The following PLEKHA4 variants were observed in gnomAD, a reference collection of about 807,000 sequenced individuals.
The protein encoded by PLEKHA4 is pleckstrin homology domain containing A4.
Under a neutral mutation model 94.7 loss-of-function variants are expected in PLEKHA4, and 73 were observed. The observed-to-expected ratio is 0.77, with a 90% confidence interval of 0.64 to 0.94. The LOEUF (loss-of-function observed/expected upper bound fraction) is 0.94, where lower values mean the gene tolerates loss of function less well. PLEKHA4 is among the 40% of genes least tolerant of loss of function. PLEKHA4 has a pLI of 0.00. For synonymous variants in PLEKHA4, 449 were observed against 437.1 expected (o/e 1.03, Z -0.34); for missense variants, 1,049 against 1,054.1 (o/e 1.00, Z 0.07).
At chr19:48,859,201 C>T (rs2036544129) in intron 7 of PLEKHA4, 62 bp from the exon 8 acceptor site, 8 of 1,272,586 alleles carry the variant, frequency 6.3e-6, no homozygotes, top group South Asian at 2.6e-5. Flanking sequence ...CACCTCCTTA[C>T]CCATCAAGTC....
At chr19:48,864,378 G>A (rs996380720) in intron 3 of PLEKHA4, among the ~76,000 whole-genome samples, 2 of 151,890 alleles carry the variant, frequency 1.3e-5, no homozygotes, top group African/African-American at 2.4e-5. Flanking sequence ...ATGTTGACCA[G>A]GCTGGTCTTG....
At chr19:48,863,214 A>G (rs1215312849) in intron 3 of PLEKHA4, among the ~76,000 whole-genome samples, 2 of 152,206 alleles carry the variant, frequency 1.3e-5, no homozygotes, top group African/African-American at 4.8e-5. Context: ...CTTGAAATTC[A>G]GTCTCAAATT....
chr19:48,850,646 C>T (rs1404916828), intron 13 of PLEKHA4, among the ~76,000 whole-genome samples: 3 of 151,384 alleles, frequency 2.0e-5, no homozygotes, highest in Non-Finnish European at 2.9e-5. Context: ...GGAGAAACCC[C>T]GTCTCTCATA....
intron 9 of PLEKHA4, among the ~76,000 whole-genome samples, chr19:48,856,949 G>GAGAAAGAA (rs111377309): frequency 4.3e-5 from 6 of 141,046 alleles, no homozygotes; most frequent in Non-Finnish European, 6.0e-5. Context: ...GAAAAAGAAA[G>GAGAAAGAA]AGAAAGAAAG....
At position 48,856,277 on chromosome 19, in the gene PLEKHA4, G is replaced by GGAAA. The variant is rs1055037381; in HGVS notation, c.1047+1141_1047+1144dup. ...GGGAGGGGAAGGGGAAGGGGAAGGG[G>GGAAA]GAAAGAAAGAAAGAAAGGAAGGAAG... On this transcript the variant is annotated intron_variant, in intron 9 of 19. Coordinates refer to ENST00000263265, the MANE Select transcript of PLEKHA4 (RefSeq NM_020904.3). Among the ~76,000 whole-genome samples the GGAAA allele has an allele frequency of 4.7e-5, 7 of 149,086 alleles. No homozygotes were observed. In the East Asian group the frequency reaches 8.3e-4, roughly 18 times the overall value.
intron 14 of PLEKHA4, among the ~76,000 whole-genome samples, chr19:48,846,264 G>C (rs1436976973): frequency 6.6e-6 from 1 of 150,894 alleles, no homozygotes; most frequent in Non-Finnish European, 1.5e-5. Context: ...TGGCTAAAAC[G>C]GTGAAACCCC....
intron 8 of PLEKHA4, among the ~76,000 whole-genome samples, chr19:48,858,184 T>G (rs17206707): frequency 0.12 from 17,699 of 152,144 alleles, 1,450 homozygotes; most frequent in Non-Finnish European, 0.17. Context: ...CTGTGGATAT[T>G]CTGAGCTACC....
At chr19:48,857,262 A>G (rs2036457837) in intron 9 of PLEKHA4, among the ~76,000 whole-genome samples, 160 bp downstream of exon 9, 1 of 152,116 alleles carries the variant, frequency 6.6e-6, no homozygotes, top group African/African-American at 2.4e-5. Flanking sequence ...GTTTTCGGCC[A>G]TGCGCTTTGT....
intron 16 of PLEKHA4, among the ~76,000 whole-genome samples, chr19:48,841,525 G>T (rs961336481): frequency 7.2e-5 from 11 of 152,214 alleles, no homozygotes; most frequent in African/African-American, 2.6e-4. Context: ...TACTCAGGAG[G>T]CTGAGGCAGG....
chr19:48,842,156 T>TC (rs2035795048), intron 16 of PLEKHA4, among the ~76,000 whole-genome samples: 1 of 149,848 alleles, frequency 6.7e-6, no homozygotes, highest in African/African-American at 2.5e-5. Context: ...TTTTTTTTTT[T>TC]TTTTTTGAGA....
In PLEKHA4 at chr19:48,838,059, C is replaced by A. The variant is rs759095583; in HGVS notation, c.2035G>T (p.Ala679Ser). 6.2e-7 allele frequency: 1 copy of A among 1,613,290 alleles called. No homozygotes were observed. The highest frequency in any genetic ancestry group is 1.7e-4 in the Middle Eastern group (1 of 6,056). Residue 679 changes from alanine to serine, a missense_variant, in exon 19 of 20, where the codon GCC becomes TCC. Coordinates refer to ENST00000263265, the MANE Select transcript of PLEKHA4 (RefSeq NM_020904.3). ...HRERVLSLSQ[A>S]LATEASQWHR... is the part of the protein sequence containing the mutation. ...CACTGCGACGCCTCAGTAGCCAGGG[C>A]TTGGGAGAGGCTGAGAACCCGCTCC...
chr19:48,855,854 C>A (rs1188912571), intron 9 of PLEKHA4, among the ~76,000 whole-genome samples: 2 of 151,130 alleles, frequency 1.3e-5, no homozygotes, highest in East Asian at 2.0e-4. Context: ...CATGGCAAAA[C>A]CCTGTCTCTA....
In PLEKHA4 at chr19:48,852,229, T is replaced by C. The variant is rs143400516; in HGVS notation, c.1424A>G (p.Gln475Arg). ...TGGGGTCTCCAAGCAGCGATTTACCTGGGGAGAACCAAGGTGCAGCAGGTA... is the reference window on the plus strand; with the variant it reads ...TGGGGTCTCCAAGCAGCGATTTACCCGGGGAGAACCAAGGTGCAGCAGGTA... ...LEYLLHLGSPQDRVSAQQQLW... is the reference protein window; with the variant it reads ...LEYLLHLGSPRDRVSAQQQLW... Residue 475 changes from glutamine (Q) to arginine (R), a missense_variant and splice_region_variant, in exon 13 of 20, where the codon CAG (glutamine) becomes CGG (arginine). Gln to Arg is a conservative substitution (Grantham distance 43). Transcript: ENST00000263265. 8 of 1,613,334 alleles carry C rather than the reference T, an allele frequency of 5.0e-6. No homozygotes were observed. Among genetic ancestry groups the C allele is most frequent in the Non-Finnish European group, 6.8e-6 (8 of 1,179,454 alleles).
intron 9 of PLEKHA4, among the ~76,000 whole-genome samples, chr19:48,854,698 T>C (rs1344010360): frequency 1.6e-5 from 1 of 63,664 alleles, no homozygotes; most frequent in African/African-American, 1.1e-4. Flanking sequence ...TGCCTGGCCT[T>C]TTTTTTTTTT....
chr19:48,849,605 G>A (rs1040735916), intron 13 of PLEKHA4, among the ~76,000 whole-genome samples: 8 of 152,112 alleles, frequency 5.3e-5, no homozygotes, highest in Admixed American at 3.9e-4. Context: ...CAACACGCCC[G>A]GCCGTGTCAA....
At chr19:48,866,836 T>C (rs1965140379) in intron 2 of PLEKHA4, among the ~76,000 whole-genome samples, 1 of 152,060 alleles carries the variant, frequency 6.6e-6, no homozygotes, top group African/African-American at 2.4e-5. Context: ...GATGCCCTGG[T>C]GCCCTGCGGT....
At position 48,854,091 on chromosome 19, in the gene PLEKHA4, G is replaced by C. The variant is rs1170703608; in HGVS notation, c.1096-4C>G. ...CGCACAACTTGGTCAGCAGCGTCTG[G>C]AGAAAGGAGAGCGGGAGCTACTGAT... On this transcript the variant is annotated splice_region_variant and splice_polypyrimidine_tract_variant and intron_variant, in intron 10 of 19. Transcript: ENST00000263265. 5 of 1,614,162 alleles carry C rather than the reference G, an allele frequency of 3.1e-6. No homozygotes were observed. The highest frequency in any genetic ancestry group is 4.2e-6 in the Non-Finnish European group (5 of 1,180,032).
Position 48,857,368 on chromosome 19 carries a change from G to A in PLEKHA4, c.1047+54C>T, listed in dbSNP as rs2036461927. The A allele has an allele frequency of 6.8e-6, 5 of 735,364 alleles. No homozygotes were observed. In the East Asian group the frequency reaches 1.3e-4, roughly 20 times the overall value. The allele number at this position is 735,364 out of a possible 1,614,324, so 45.6% of individuals were successfully genotyped here. A position where few individuals can be genotyped will look rare whatever the true frequency, so the allele number is the denominator to read the frequency against. On this transcript the variant is annotated intron_variant, in intron 9 of 19. Transcript: ENST00000263265. ...GCCAAGAGATGACATTCCTCATAGA[G>A]AAGAAAGGAAGGGAGGGGGCTCCGG...
At chr19:48,865,678 G>T (rs760342713) in intron 2 of PLEKHA4, 68 bp from the exon 3 acceptor site, 66 of 1,114,198 alleles carry the variant, frequency 5.9e-5, no homozygotes, top group Non-Finnish European at 8.6e-5. Flanking sequence ...GGTGAGGGTG[G>T]ACACAGGCAA....
Sources: gnomAD v4.1 joint callset for allele counts (sites outside exome capture counted in the v4.1 genomes callset) on GRCh38, gnomAD v4.1.1 for gene constraint, MANE v1.5 for transcripts, NCBI Gene and HGNC (gene_info 2026-07-23, HGNC 2026-07-21) for gene names.